Variants in SLC9B2 observed in about 807,000 individuals in gnomAD.
The protein encoded by SLC9B2 is solute carrier family 9 member B2, also known as sodium/hydrogen exchanger 9B2.
A neutral mutation model predicts 52.2 loss-of-function variants in SLC9B2; 39 were observed. The ratio of observed to expected loss-of-function variants is 0.75; its 90% confidence interval spans 0.58 to 0.98. The LOEUF is 0.98. Ranked by LOEUF, SLC9B2 falls within the 50% of genes least tolerant of loss-of-function variation. SLC9B2 has a pLI of 0.00. For missense variants in SLC9B2, 626 were observed against 637.5 expected, an observed-to-expected ratio of 0.98 and a Z score of 0.19; for synonymous variants, 214 against 227.0, an observed-to-expected ratio of 0.94 and a Z score of 0.51.
intron 9 of SLC9B2, among the ~76,000 whole-genome samples, chr4:103,041,582 T>A (rs1160114723): frequency 6.6e-6 from 1 of 152,182 alleles, no homozygotes; most frequent in Non-Finnish European, 1.5e-5. Context: ...ACTACTTTTT[T>A]ATGCTCTGTT....
chr4:103,074,897 T>C (rs953627353), intron 1 of SLC9B2, among the ~76,000 whole-genome samples: 5 of 152,200 alleles, frequency 3.3e-5, no homozygotes, highest in Non-Finnish European at 5.9e-5. Context: ...ATTGACAAAC[T>C]GTCTCCCTCG....
intron 3 of SLC9B2, among the ~76,000 whole-genome samples, chr4:103,058,239 CT>C (rs1745326367): frequency 6.6e-6 from 1 of 152,154 alleles, no homozygotes; most frequent in Non-Finnish European, 1.5e-5. Flanking sequence ...ATTATTTTGA[CT>C]TTCTTCACCA....
At chr4:103,019,458 TG>T, downstream of SLC9B2, 1 of 424,124 alleles carries the variant, frequency 2.4e-6, no homozygotes, top group South Asian at 9.8e-5. Flanking sequence ...CCTCAGCGTC[TG>T]GGAGAAGAGC....
rs1446367915 is a variant in SLC9B2, at chr4:103,023,503, C to G, written c.*2867G>C. Among the ~76,000 whole-genome samples the G allele has an allele frequency of 6.6e-6, 1 of 152,218 alleles. No individual in the cohort carries two copies. The highest frequency in any genetic ancestry group is 2.4e-5 in the African/African-American group (1 of 41,458). On this transcript the variant is annotated 3_prime_UTR_variant, in exon 12 of 12. Transcript: ENST00000394785. Reference sequence around the variant, plus strand: ...ATGTGGTGACAAACCCCGGCCTTCACATGGTGAGCCCTGCTGAATGGTCAG... The same window carrying G: ...ATGTGGTGACAAACCCCGGCCTTCAGATGGTGAGCCCTGCTGAATGGTCAG...
downstream of SLC9B2, among the ~76,000 whole-genome samples, chr4:103,018,610 T>G (rs925065480): frequency 2.6e-5 from 4 of 152,128 alleles, no homozygotes; most frequent in Admixed American, 6.5e-5. Context: ...CCTGGGCCAG[T>G]TGTCTCCCCA....
downstream of SLC9B2, chr4:103,019,636 G>A (rs958084536): frequency 2.1e-5 from 21 of 985,324 alleles, no homozygotes; most frequent in South Asian, 5.2e-4. Flanking sequence ...GCCCGGGAGC[G>A]GCCCAGGAGC....
chr4:103,018,258 G>A (rs1358624403), downstream of SLC9B2, among the ~76,000 whole-genome samples: 1 of 152,148 alleles, frequency 6.6e-6, no homozygotes, highest in African/African-American at 2.4e-5. Context: ...GTAATTGGCA[G>A]GACCTTATGA....
intron 4 of SLC9B2, among the ~76,000 whole-genome samples, chr4:103,057,273 T>TATATATATATAC (rs1220375909): frequency 4.2e-5 from 6 of 143,286 alleles, no homozygotes; most frequent in East Asian, 2.0e-4. Context: ...TATATATATA[T>TATATATATATAC]ACACACACAC....
intron 6 of SLC9B2, 66 bp from the exon 7 acceptor site, chr4:103,047,292 G>A: frequency 7.3e-7 from 1 of 1,378,376 alleles, no homozygotes; most frequent in Non-Finnish European, 9.7e-7. Flanking sequence ...AAATTATAAT[G>A]CCCTCCACTT....
chr4:103,021,210 G>A (rs1331145020), downstream of SLC9B2, among the ~76,000 whole-genome samples: 6 of 152,172 alleles, frequency 3.9e-5, no homozygotes, highest in East Asian at 9.6e-4. Flanking sequence ...TAGAAGGAAT[G>A]GGCTCCTGGA....
At chr4:103,046,768 T>C (rs1744177368) in intron 7 of SLC9B2, among the ~76,000 whole-genome samples, 1 of 122,706 alleles carries the variant, frequency 8.1e-6, no homozygotes, top group African/African-American at 3.4e-5. Flanking sequence ...AGCCTGAACG[T>C]TCCTGGATCA....
chr4:103,072,568 T>A (rs541635239), intron 1 of SLC9B2, among the ~76,000 whole-genome samples: 2 of 152,368 alleles, frequency 1.3e-5, no homozygotes, highest in Non-Finnish European at 1.5e-5. Context: ...CATATTATCT[T>A]ACTAATGTAA....
At chr4:103,053,453 G>T (rs1744861971) in intron 4 of SLC9B2, among the ~76,000 whole-genome samples, 1 of 152,132 alleles carries the variant, frequency 6.6e-6, no homozygotes, top group Non-Finnish European at 1.5e-5. Flanking sequence ...TACCTTAGGA[G>T]ATTTCATTTT....
At chr4:103,058,122 C>A in intron 3 of SLC9B2, 151 bp from the exon 4 acceptor site, 1 of 737,156 alleles carries the variant, frequency 1.4e-6, no homozygotes, top group Non-Finnish European at 2.2e-6. Flanking sequence ...GTAAGATGAC[C>A]AACTGGGTAA....
chr4:103,042,574 G>T (rs1247725933), intron 9 of SLC9B2, among the ~76,000 whole-genome samples: 1 of 151,218 alleles, frequency 6.6e-6, no homozygotes, highest in Non-Finnish European at 1.5e-5. Context: ...TGCCCATAAA[G>T]AAATGAAAAT....
At chr4:103,055,970 AT>A (rs1232110890) in intron 4 of SLC9B2, among the ~76,000 whole-genome samples, 2 of 150,932 alleles carry the variant, frequency 1.3e-5, no homozygotes, top group African/African-American at 4.9e-5. Context: ...CGCCTGACTA[AT>A]TTTTTTGTAT....
At chr4:103,040,331 AT>A (rs779033099) in intron 9 of SLC9B2, among the ~76,000 whole-genome samples, 6 of 152,342 alleles carry the variant, frequency 3.9e-5, no homozygotes, top group Middle Eastern at 3.4e-3. Context: ...AGATTTCTAT[AT>A]CAAATTATTT....
chr4:103,055,139 CA>C (rs556871903), intron 4 of SLC9B2, among the ~76,000 whole-genome samples: 1,946 of 150,604 alleles, frequency 0.013, 41 homozygotes, highest in African/African-American at 0.041. Flanking sequence ...ATTGCAAGGA[CA>C]AAAAAACCAA....
intron 10 of SLC9B2, among the ~76,000 whole-genome samples, chr4:103,030,429 G>A (rs1200251106): frequency 1.3e-5 from 2 of 152,072 alleles, no homozygotes; most frequent in Non-Finnish European, 2.9e-5. Context: ...ATCAAGTAAA[G>A]CAAAGACTGG....
Sources: allele counts gnomAD v4.1 joint callset (sites outside exome capture counted in the v4.1 genomes callset), GRCh38; gene constraint gnomAD v4.1.1; transcripts MANE v1.5; gene names NCBI Gene and HGNC (gene_info 2026-07-23, HGNC 2026-07-21).